The following WAC variants were observed in gnomAD, a reference collection of about 807,000 sequenced individuals.
WAC encodes WW domain-containing adapter protein with coiled-coil.
WAC carries 11 observed loss-of-function variants against 79.6 expected under a neutral mutation model. That is an observed-to-expected ratio of 0.14 (90% CI 0.09 to 0.23). The LOEUF (loss-of-function observed/expected upper bound fraction) is 0.23. Among genes scored for constraint, WAC ranks in the 10% least tolerant of loss-of-function variants. The pLI is 1.00. For synonymous variants in WAC, 304 were observed against 276.9 expected (o/e 1.10, Z -0.97); for missense variants, 728 against 773.5 (o/e 0.94, Z 0.70).
chr10:28,603,959 ATGT>A (rs58799548), intron 7 of WAC, among the ~76,000 whole-genome samples: 11 of 6,252 alleles, frequency 1.8e-3, no homozygotes, highest in East Asian at 7.5e-3. Context: ...ATATGTATGT[ATGT>A]ATATATATAT....
intron 6 of WAC, among the ~76,000 whole-genome samples, chr10:28,595,482 G>A (rs1840313095): frequency 6.6e-6 from 1 of 151,788 alleles, no homozygotes; most frequent in South Asian, 2.1e-4. Context: ...TAAAAAATGT[G>A]TAGCACCCTT....
At position 28,621,149 on chromosome 10, in the gene WAC, G is replaced by A. The variant is rs1841674582; in HGVS notation, c.*1543G>A. ...CTTTACCATCAAAATCTTGCCATCT[G>A]ATTTAGAAAGGTGTTTCTTCTTCTT... On this transcript the variant is annotated 3_prime_UTR_variant, in exon 14 of 14. Coordinates refer to ENST00000354911, the MANE Select transcript of WAC (RefSeq NM_016628.5). 6.8e-6 allele frequency: 1 copy of A among 146,970 alleles called. No individual in the cohort carries two copies. Among genetic ancestry groups the A allele is most frequent in the African/African-American group, 2.5e-5 (1 of 39,974 alleles). 9.1% of individuals were successfully genotyped at this position (146,970 alleles called of 1,614,324 possible). A position where few individuals can be genotyped will look rare whatever the true frequency, so the allele number is the denominator to read the frequency against.
At chr10:28,598,581 T>A (rs558256223) in intron 7 of WAC, among the ~76,000 whole-genome samples, 1 of 152,330 alleles carries the variant, frequency 6.6e-6, no homozygotes, top group South Asian at 2.1e-4. Flanking sequence ...CATTTTAGTT[T>A]ATTCCTTAAA....
At chr10:28,553,052 T>G (rs1837777589) in intron 3 of WAC, among the ~76,000 whole-genome samples, 1 of 152,184 alleles carries the variant, frequency 6.6e-6, no homozygotes, top group South Asian at 2.1e-4. Context: ...ATTTATGGCT[T>G]CATTTGTTTG....
chr10:28,565,769 C>G (rs1838568538), intron 3 of WAC, among the ~76,000 whole-genome samples: 1 of 152,156 alleles, frequency 6.6e-6, no homozygotes, highest in African/African-American at 2.4e-5. Context: ...ACAAGCAGCT[C>G]TTTCTGTACA....
chr10:28,601,614 T>A (rs761125732), intron 7 of WAC, among the ~76,000 whole-genome samples: 2 of 152,176 alleles, frequency 1.3e-5, no homozygotes, highest in Non-Finnish European at 2.9e-5. Context: ...CGGGTGTTCC[T>A]AGTAATTCAC....
At chr10:28,535,372 C>G in intron 2 of WAC, 190 bp from the exon 3 acceptor site, 18 of 423,918 alleles carry the variant, frequency 4.2e-5, no homozygotes, top group East Asian at 1.5e-4. Flanking sequence ...TATCAGGAGT[C>G]TTATTGTAAC....
At chr10:28,534,150 A>C in intron 2 of WAC, 116 bp downstream of exon 2, 1 of 999,522 alleles carries the variant, frequency 1.0e-6, no homozygotes, top group Non-Finnish European at 1.4e-6. Context: ...AACACATCTG[A>C]AACTAGCACC....
intron 3 of WAC, among the ~76,000 whole-genome samples, chr10:28,555,296 T>C (rs1174962525): frequency 2.6e-5 from 4 of 152,184 alleles, no homozygotes; most frequent in African/African-American, 9.6e-5. Flanking sequence ...CTCTCCAACC[T>C]TATATCTCTG....
At chr10:28,565,311 CTG>C (rs1196504236) in intron 3 of WAC, among the ~76,000 whole-genome samples, 1 of 152,168 alleles carries the variant, frequency 6.6e-6, no homozygotes, top group Non-Finnish European at 1.5e-5. Flanking sequence ...TTTTGTATCT[CTG>C]TGATAAATTC....
intron 7 of WAC, among the ~76,000 whole-genome samples, chr10:28,605,500 T>C (rs568283684): frequency 1.6e-4 from 24 of 152,320 alleles, no homozygotes; most frequent in African/African-American, 5.3e-4. Context: ...CCTTCAGAGA[T>C]GTCACTTGCC....
In WAC at chr10:28,589,450, T is replaced by C. The variant is rs527769963; in HGVS notation, c.382-286T>C. On this transcript the variant is annotated intron_variant, in intron 4 of 13. Coordinates refer to ENST00000354911, the MANE Select transcript of WAC (RefSeq NM_016628.5). ...AACAATTAAAATTGTGGTGGGAGAT[T>C]TTGTCATGCTTTCTAAAATCAAGGT... The C allele has an allele frequency of 2.6e-3, 488 of 190,356 alleles. 2 individuals are homozygous for C. Among genetic ancestry groups the C allele is most frequent in the Admixed American group, 6.5e-3 (109 of 16,822 alleles). The allele number at this position is 190,356 out of a possible 1,614,324, so 11.8% of individuals were successfully genotyped here. A position where few individuals can be genotyped will look rare whatever the true frequency, so the allele number is the denominator to read the frequency against.
At chr10:28,583,608 T>G in intron 4 of WAC, 103 bp downstream of exon 4, 1 of 809,966 alleles carries the variant, frequency 1.2e-6, no homozygotes, top group Admixed American at 2.9e-5. Context: ...AATGTCTTTT[T>G]TTTTAAAAAT....
intron 3 of WAC, among the ~76,000 whole-genome samples, chr10:28,561,059 G>C (rs1838276454): frequency 6.6e-6 from 1 of 152,238 alleles, no homozygotes; most frequent in African/African-American, 2.4e-5. Context: ...TCAAGGATAT[G>C]TGAGTGTATA....
chr10:28,619,053 C>T (rs1196576732), intron 13 of WAC, among the ~76,000 whole-genome samples: 3 of 152,258 alleles, frequency 2.0e-5, no homozygotes, highest in East Asian at 1.9e-4. Flanking sequence ...CCAAGGTGGG[C>T]GGATCACCTG....
intron 2 of WAC, chr10:28,534,252 C>A: frequency 2.3e-6 from 1 of 442,200 alleles, no homozygotes; most frequent in Non-Finnish European, 4.0e-6. Context: ...AGGGAGTTCG[C>A]TGATTTAGGA....
intron 3 of WAC, among the ~76,000 whole-genome samples, chr10:28,574,186 AG>A (rs1184202458): frequency 6.6e-6 from 1 of 152,034 alleles, no homozygotes; most frequent in Non-Finnish European, 1.5e-5. Flanking sequence ...TTTTTTAGAC[AG>A]TCTTGCTCTG....
intron 7 of WAC, among the ~76,000 whole-genome samples, chr10:28,603,940 A>AAG (rs1840767557): frequency 3.9e-5 from 1 of 25,910 alleles, no homozygotes; most frequent in Non-Finnish European, 6.4e-5. Flanking sequence ...TCTCAAAAAA[A>AAG]AAATATATAT....
intron 3 of WAC, among the ~76,000 whole-genome samples, chr10:28,549,995 T>C (rs529620760): frequency 6.6e-6 from 1 of 152,038 alleles, no homozygotes; most frequent in Non-Finnish European, 1.5e-5. Context: ...TGAAACCCTA[T>C]CTCTACTAAA....
Sources: allele counts gnomAD v4.1 joint callset (sites outside exome capture counted in the v4.1 genomes callset), GRCh38; gene constraint gnomAD v4.1.1; transcripts MANE v1.5; gene names NCBI Gene and HGNC (gene_info 2026-07-23, HGNC 2026-07-21).